CTIF: variants seen among roughly 807,000 people sequenced by gnomAD.
The protein encoded by CTIF is CBP80/20-dependent translation initiation factor.
CTIF carries 21 observed loss-of-function variants against 66.0 expected under a neutral mutation model. The observed-to-expected ratio is 0.32, with a 90% confidence interval of 0.23 to 0.46. The LOEUF is 0.46. CTIF is among the 20% of genes least tolerant of loss of function. The pLI is 1.00. For synonymous variants in CTIF, 345 were observed against 326.4 expected (o/e 1.06, Z -0.62); for missense variants, 739 against 812.7 (o/e 0.91, Z 1.10).
Position 48,757,927 on chromosome 18 carries a change from A to G in CTIF, c.593A>G (p.Gln198Arg). The G allele has an allele frequency of 6.2e-7, 1 of 1,610,734 alleles. No homozygotes were observed. The highest frequency in any genetic ancestry group is 8.5e-7 in the Non-Finnish European group (1 of 1,177,708). The change falls in exon 8 of 12, where the codon CAG (glutamine) becomes CGG (arginine). Residue 198 changes from glutamine to arginine, a missense_variant. Gln to Arg is a conservative substitution (Grantham distance 43, BLOSUM62 1). This residue lies in a region of CTIF where 529 missense variants were observed against 520.3 expected (regional missense o/e 1.02). Transcript: ENST00000256413. ...TCCTCTTCCGTTTGCAGGCGGCAGC[A>G]GAGACCTCCGGGGGGCAACAAGCCC... Reference protein sequence around the residue: ...RRRRNDRRRQQRPPGGNKPQQ... With the variant: ...RRRRNDRRRQRRPPGGNKPQQ...
chr18:48,732,375 C>T lies in CTIF; in HGVS notation c.584+20680C>T, dbSNP rs549224382. On this transcript the variant is annotated intron_variant, in intron 7 of 11. Coordinates refer to ENST00000256413, the MANE Select transcript of CTIF (RefSeq NM_014772.3). ...CTTCACTGAGGTTGTAAGGCAACCC[C>T]GAGAAGGCAGAAGGGGACCAGCAGG... 7.9e-4 allele frequency among the ~76,000 whole-genome samples: 120 copies of T among 152,216 alleles called. 1 individual carries two copies. The highest frequency in any genetic ancestry group is 2.7e-3 in the African/African-American group (113 of 41,528).
intron 1 of CTIF, among the ~76,000 whole-genome samples, chr18:48,617,879 A>T (rs2090426140): frequency 6.6e-6 from 1 of 152,122 alleles, no homozygotes; most frequent in African/African-American, 2.4e-5. Flanking sequence ...GGGGGCCCAG[A>T]GCGAGGCCCT....
intron 9 of CTIF, among the ~76,000 whole-genome samples, chr18:48,796,044 G>A (rs2067909118): frequency 2.0e-5 from 3 of 152,202 alleles, no homozygotes; most frequent in African/African-American, 7.2e-5. Flanking sequence ...CACCCAGACT[G>A]GAGTGCAATG....
chr18:48,613,963 T>G (rs991064660), intron 1 of CTIF, among the ~76,000 whole-genome samples: 1 of 152,184 alleles, frequency 6.6e-6, no homozygotes, highest in Non-Finnish European at 1.5e-5. Flanking sequence ...TGCCTTTTAG[T>G]TCCTCCTCAT....
At chr18:48,580,824 G>C (rs895688460) in intron 1 of CTIF, among the ~76,000 whole-genome samples, 12 of 152,214 alleles carry the variant, frequency 7.9e-5, no homozygotes, top group South Asian at 2.1e-4. Context: ...TCAAGGATTA[G>C]AGTTCTGACC....
At chr18:48,735,101 G>A (rs1363662320) in intron 7 of CTIF, among the ~76,000 whole-genome samples, 2 of 151,834 alleles carry the variant, frequency 1.3e-5, no homozygotes, top group Non-Finnish European at 2.9e-5. Context: ...GTGTGCGTGT[G>A]TGTGTGTGTG....
intron 7 of CTIF, among the ~76,000 whole-genome samples, chr18:48,722,133 C>T (rs1225490822): frequency 4.0e-5 from 6 of 151,792 alleles, no homozygotes; most frequent in African/African-American, 1.2e-4. Flanking sequence ...CCTGCTGCCC[C>T]TGTGTATATT....
intron 9 of CTIF, among the ~76,000 whole-genome samples, chr18:48,764,380 G>C (rs1009636751): frequency 6.6e-6 from 1 of 152,204 alleles, no homozygotes; most frequent in Non-Finnish European, 1.5e-5. Flanking sequence ...AATCCACAGT[G>C]ACAAACTGGG....
intron 7 of CTIF, among the ~76,000 whole-genome samples, chr18:48,748,419 T>TACTCCACCTTC (rs1330998793): frequency 6.6e-6 from 1 of 152,076 alleles, no homozygotes; most frequent in Non-Finnish European, 1.5e-5. Flanking sequence ...ACTATACCTT[T>TACTCCACCTTC]ACTCCACCTT....
intron 10 of CTIF, among the ~76,000 whole-genome samples, chr18:48,832,634 G>C (rs989405793): frequency 1.3e-5 from 2 of 152,168 alleles, no homozygotes; most frequent in African/African-American, 4.8e-5. Flanking sequence ...GGCACAATTA[G>C]CTCATTCTTG....
chr18:48,812,715 C>G (rs991804245), intron 9 of CTIF, among the ~76,000 whole-genome samples: 6 of 148,320 alleles, frequency 4.0e-5, no homozygotes, highest in Non-Finnish European at 7.4e-5. Context: ...AATCGCACCA[C>G]TGCACTGCAG....
At chr18:48,779,674 G>A (rs1364207516) in intron 9 of CTIF, among the ~76,000 whole-genome samples, 3 of 152,222 alleles carry the variant, frequency 2.0e-5, no homozygotes, top group Admixed American at 6.5e-5. Flanking sequence ...GCTTGGGTCT[G>A]CTGCCTCCTT....
chr18:48,615,065 A>T (rs1160223414), intron 1 of CTIF, among the ~76,000 whole-genome samples: 3 of 151,798 alleles, frequency 2.0e-5, no homozygotes, highest in African/African-American at 4.8e-5. Flanking sequence ...GCTAATTTTT[A>T]AAAAAATTTT....
In CTIF at chr18:48,619,796, T is replaced by G. The variant is rs1172689868; in HGVS notation, c.180+51T>G. 4 of 1,439,032 alleles carry G rather than the reference T, an allele frequency of 2.8e-6. No homozygotes were observed. In the Middle Eastern group the frequency reaches 6.6e-4, roughly 238 times the overall value. 89.1% of individuals were successfully genotyped at this position (1,439,032 alleles called of 1,614,324 possible). On this transcript the variant is annotated intron_variant, in intron 2 of 11. Transcript: ENST00000256413. ...AGCTTGGGAAATTCAGAGGGGGTGA[T>G]GCAGGAGCCCCTAATTCTGGGCAGC...
At chr18:48,664,773 C>T (rs533061023) in intron 5 of CTIF, among the ~76,000 whole-genome samples, 1 of 152,176 alleles carries the variant, frequency 6.6e-6, no homozygotes, top group Non-Finnish European at 1.5e-5. Flanking sequence ...CCCACCTGCT[C>T]CTGATGACCC....
intron 3 of CTIF, among the ~76,000 whole-genome samples, chr18:48,640,346 C>A (rs2090904744): frequency 6.6e-6 from 1 of 152,248 alleles, no homozygotes; most frequent in Non-Finnish European, 1.5e-5. Context: ...GCGGGCTCTA[C>A]TTCCTCAACC....
chr18:48,570,510 G>A (rs2089390999), intron 1 of CTIF, among the ~76,000 whole-genome samples: 2 of 152,218 alleles, frequency 1.3e-5, no homozygotes, highest in African/African-American at 4.8e-5. Context: ...ACAGGCTAAC[G>A]GAGGAGACAG....
intron 10 of CTIF, among the ~76,000 whole-genome samples, chr18:48,821,066 A>G (rs570105814): frequency 8.5e-5 from 13 of 152,304 alleles, no homozygotes; most frequent in Non-Finnish European, 1.6e-4. Context: ...AAGTTACTCA[A>G]GCTTGAAACT....
intron 6 of CTIF, among the ~76,000 whole-genome samples, chr18:48,697,685 T>C (rs1045423406): frequency 2.6e-5 from 4 of 151,972 alleles, no homozygotes; most frequent in Admixed American, 6.5e-5. Context: ...TTCTGCTGCA[T>C]TGCTGTAAAT....
Sources: gnomAD v4.1 joint callset for allele counts (sites outside exome capture counted in the v4.1 genomes callset) on GRCh38, gnomAD v4.1.1 for gene constraint, gnomAD v4.1.1 regional missense constraint, MANE v1.5 for transcripts, NCBI Gene and HGNC (gene_info 2026-07-23, HGNC 2026-07-21) for gene names.